Variants in RYR3 observed in about 807,000 individuals in gnomAD.
RYR3 encodes the protein brain ryanodine receptor-calcium release channel.
Under a neutral mutation model 584.3 loss-of-function variants are expected in RYR3, and 207 were observed. That is an observed-to-expected ratio of 0.35 (90% confidence interval 0.32 to 0.40). The LOEUF (loss-of-function observed/expected upper bound fraction) is 0.40, where lower values mean the gene tolerates loss of function less well. RYR3 is among the 10% of genes least tolerant of loss of function. The pLI is 1.00. For synonymous variants in RYR3, 2,416 were observed against 2,248.5 expected (o/e 1.07, Z -2.11); for missense variants, 5,616 against 6,089.2 (o/e 0.92, Z 2.59).
chr15:33,372,253 A>T (rs912269784), intron 1 of RYR3, among the ~76,000 whole-genome samples: 1 of 151,594 alleles, frequency 6.6e-6, no homozygotes, highest in African/African-American at 2.4e-5. Flanking sequence ...GTGCAATGGC[A>T]TGATCTCGGC....
intron 1 of RYR3, among the ~76,000 whole-genome samples, chr15:33,428,382 ATT>A (rs1442575763): frequency 6.6e-5 from 10 of 152,222 alleles, no homozygotes; most frequent in African/African-American, 2.4e-4. Flanking sequence ...ATGAAAAGTC[ATT>A]GTGTGCAGGT....
At chr15:33,339,794 C>A (rs1045193767) in intron 1 of RYR3, among the ~76,000 whole-genome samples, 3 of 150,966 alleles carry the variant, frequency 2.0e-5, no homozygotes, top group Admixed American at 2.0e-4. Flanking sequence ...GAGGCTGAGG[C>A]AGGAGAATGG....
At chr15:33,669,871 GGT>G (rs111540788) in intron 37 of RYR3, among the ~76,000 whole-genome samples, 2 of 27,192 alleles carry the variant, frequency 7.4e-5, no homozygotes, top group Non-Finnish European at 1.9e-4. Context: ...TGGGTGTGTG[GGT>G]GTGTGTGGTG....
chr15:33,418,247 G>T (rs565367663), intron 1 of RYR3, among the ~76,000 whole-genome samples: 10 of 152,036 alleles, frequency 6.6e-5, no homozygotes, highest in African/African-American at 1.9e-4. Flanking sequence ...AGTTTCAGTA[G>T]GATTGGTACT....
intron 14 of RYR3, 114 bp downstream of exon 14, chr15:33,581,757 T>A: frequency 1.1e-6 from 1 of 885,610 alleles, no homozygotes; most frequent in Non-Finnish European, 1.8e-6. Context: ...ACTGCCTCAT[T>A]CCTTAGAAGT....
chr15:33,480,191 C>A (rs1008244054), intron 2 of RYR3, among the ~76,000 whole-genome samples: 4 of 152,176 alleles, frequency 2.6e-5, no homozygotes, highest in Admixed American at 1.3e-4. Flanking sequence ...CTGTATAGCA[C>A]AGTGCTTAAT....
intron 15 of RYR3, 87 bp downstream of exon 15, chr15:33,584,577 T>A (rs1595712723): frequency 1.6e-6 from 1 of 641,888 alleles, no homozygotes; most frequent in East Asian, 2.9e-5. Context: ...TTGAATCTTT[T>A]CCAATGGATT....
At chr15:33,481,809 T>A (rs894771951) in intron 2 of RYR3, among the ~76,000 whole-genome samples, 8 of 135,596 alleles carry the variant, frequency 5.9e-5, no homozygotes, top group Non-Finnish European at 9.7e-5. Context: ...TTTTTTTTTT[T>A]AGTAATTAAA....
At chr15:33,668,474 T>C (rs1349622682) in intron 36 of RYR3, among the ~76,000 whole-genome samples, 1 of 152,132 alleles carries the variant, frequency 6.6e-6, no homozygotes, top group African/African-American at 2.4e-5. Context: ...AATTACCCAG[T>C]AGAAAAATAG....
chr15:33,400,573 C>T (rs543696708), intron 1 of RYR3, among the ~76,000 whole-genome samples: 33 of 152,256 alleles, frequency 2.2e-4, no homozygotes, highest in African/African-American at 7.7e-4. Context: ...GAAATTTCTT[C>T]GTGGAGACTT....
At chr15:33,317,963 A>C (rs1021059741) in intron 1 of RYR3, among the ~76,000 whole-genome samples, 1 of 152,216 alleles carries the variant, frequency 6.6e-6, no homozygotes, top group African/African-American at 2.4e-5. Flanking sequence ...CAGTCTTGTC[A>C]ATACTTGAGG....
Position 33,663,722 on chromosome 15 carries a change from A to T in RYR3, c.5604A>T (p.Ser1868=). The change falls in exon 36 of 104, where the codon TCA becomes TCT. Residue 1868 remains serine (S), a synonymous_variant. Coordinates refer to ENST00000634891, the MANE Select transcript of RYR3 (RefSeq NM_001036.6). ...CCCGGAAGACCAAGGAGTTCCGCTC[A>T]CCCCCACAGGAGCAGGTGAGGGTCC... is the stretch of plus-strand genomic sequence containing the variant. The part of the protein sequence containing the change: ...LTARKTKEFR[S]PPQEQINMLL... The T allele has an allele frequency of 6.2e-7, 1 of 1,606,378 alleles. No homozygotes were observed. Among genetic ancestry groups the T allele is most frequent in the Non-Finnish European group, 8.5e-7 (1 of 1,177,220 alleles).
chr15:33,526,194 G>A (rs567377540), intron 3 of RYR3, among the ~76,000 whole-genome samples: 10 of 152,320 alleles, frequency 6.6e-5, no homozygotes, highest in African/African-American at 2.4e-4. Context: ...ATCTGACTGG[G>A]AAGAAATATC....
At chr15:33,622,067 C>G (rs890141439) in intron 19 of RYR3, among the ~76,000 whole-genome samples, 1 of 152,198 alleles carries the variant, frequency 6.6e-6, no homozygotes, top group Non-Finnish European at 1.5e-5. Context: ...CTCCGTCCAA[C>G]CCACCATTAT....
intron 33 of RYR3, 78 bp downstream of exon 33, chr15:33,659,884 C>T (rs905023990): frequency 9.9e-7 from 1 of 1,005,252 alleles, no homozygotes; most frequent in Non-Finnish European, 1.5e-6. Flanking sequence ...TCCCAGGCCT[C>T]AGAAGATGGG....
At chr15:33,737,954 G>A (rs974578291) in intron 49 of RYR3, among the ~76,000 whole-genome samples, 1 of 152,082 alleles carries the variant, frequency 6.6e-6, no homozygotes, top group African/African-American at 2.4e-5. Context: ...GAGCGGGCAC[G>A]GGGAGTGGGG....
At chr15:33,658,179 A>T (rs2062933319) in intron 32 of RYR3, among the ~76,000 whole-genome samples, 1 of 152,338 alleles carries the variant, frequency 6.6e-6, no homozygotes, top group South Asian at 2.1e-4. Flanking sequence ...TTAAGGTGTC[A>T]GCCAGGCTGC....
chr15:33,472,839 T>C (rs2142219863), intron 1 of RYR3, among the ~76,000 whole-genome samples: 1 of 152,262 alleles, frequency 6.6e-6, no homozygotes, highest in East Asian at 1.9e-4. Context: ...CAAGGCATCT[T>C]TAATCTTCCT....
chr15:33,623,778 T>A, intron 19 of RYR3, 29 bp from the exon 20 acceptor site: 1 of 1,454,514 alleles, frequency 6.9e-7, no homozygotes. Flanking sequence ...TTTTTTAACC[T>A]CTGTATTTCT....
Sources: gnomAD v4.1 joint callset for allele counts (sites outside exome capture counted in the v4.1 genomes callset) on GRCh38, gnomAD v4.1.1 for gene constraint, MANE v1.5 for transcripts, NCBI Gene and HGNC (gene_info 2026-07-23, HGNC 2026-07-21) for gene names.